The following GRK2 variants were observed in gnomAD, a reference collection of about 807,000 sequenced individuals.
The protein encoded by GRK2 is adrenergic beta receptor kinase 1.
GRK2 carries 23 observed loss-of-function variants against 97.8 expected under a neutral mutation model. The observed-to-expected ratio is 0.24, with a 90% CI of 0.17 to 0.33. The LOEUF (loss-of-function observed/expected upper bound fraction) is 0.33, where lower values mean the gene tolerates loss of function less well. Ranked by LOEUF, GRK2 falls within the 10% of genes least tolerant of loss-of-function variation. The pLI, the probability that GRK2 is intolerant of heterozygous loss-of-function variation, is 1.00. For missense variants in GRK2, 633 were observed against 956.9 expected (o/e 0.66, Z 4.47); for synonymous variants, 425 against 381.7 (o/e 1.11, Z -1.32).
At chr11:67,284,644 C>G (rs1860230731) in intron 18 of GRK2, 2 of 768,676 alleles carry the variant, frequency 2.6e-6, no homozygotes, top group Admixed American at 2.9e-5. Flanking sequence ...AAAAAATTAG[C>G]CGGGCATGGT....
At position 67,277,422 on chromosome 11, in the gene GRK2, C is replaced by T. The variant is rs1590850089; in HGVS notation, c.190+74C>T. On this transcript the variant is annotated intron_variant, in intron 2 of 20. Transcript: ENST00000308595. ...CTACCCCAGCCAGCCCAGCTGTGCT[C>T]CCCACTCTCCAGAGATTTGGCCTCC... is the stretch of plus-strand genomic sequence containing the variant. 3.7e-6 allele frequency: 5 copies of T among 1,361,062 alleles called. 1 individual carries two copies. The East Asian group carries it at 1.2e-4, about 31-fold the overall frequency. 84.3% of individuals were successfully genotyped at this position (1,361,062 alleles called of 1,614,324 possible). A position where few individuals can be genotyped will look rare whatever the true frequency, so the allele number is the denominator to read the frequency against.
At chr11:67,284,158 T>G (rs1590855687) in intron 17 of GRK2, 53 bp from the exon 18 acceptor site, 1 of 1,605,922 alleles carries the variant, frequency 6.2e-7, no homozygotes, top group Admixed American at 1.7e-5. Context: ...TGGCTGATGG[T>G]ATTCCGGCAT....
At chr11:67,274,491 G>A (rs1447560913) in intron 1 of GRK2, among the ~76,000 whole-genome samples, 1 of 27,144 alleles carries the variant, frequency 3.7e-5, no homozygotes, top group Non-Finnish European at 1.1e-4. Context: ...CGCTTGACCA[G>A]CACCTTTTTT....
In GRK2 at chr11:67,285,391, C is replaced by T. The variant is rs1323227874; in HGVS notation, c.2011C>T (p.Pro671Ser). The T allele has an allele frequency of 6.2e-7, 1 of 1,609,068 alleles. No homozygotes were observed. Among genetic ancestry groups the T allele is most frequent in the Non-Finnish European group, 8.5e-7 (1 of 1,178,952 alleles). Residue 671 changes from proline (P) to serine (S), a missense_variant, in exon 21 of 21, where the codon CCC (proline) becomes TCC (serine). Coordinates refer to ENST00000308595, the MANE Select transcript of GRK2 (RefSeq NM_001619.5). ...VPKMKNKPRS[P>S]VVELSKVPLV... ...CAAGATGAAGAACAAGCCGCGCTCG[C>T]CCGTGGTGGAGCTGAGCAAGGTGCC...
chr11:67,286,549 G>T lies in GRK2; in HGVS notation c.*1099G>T, dbSNP rs989935141. 1.4e-6 allele frequency: 1 copy of T among 701,088 alleles called. No homozygotes were observed. The highest frequency in any genetic ancestry group is 2.6e-6 in the Non-Finnish European group (1 of 383,730). 43.4% of individuals were successfully genotyped at this position (701,088 alleles called of 1,614,324 possible). ...AGACTATGCGTTTTTATAAAAAATG[G>T]TGCCTGATTCGGCTGTCTCAGACTC... On this transcript the variant is annotated 3_prime_UTR_variant, in exon 21 of 21. Coordinates refer to ENST00000308595, the MANE Select transcript of GRK2 (RefSeq NM_001619.5).
chr11:67,274,402 A>G (rs1245968322), intron 1 of GRK2, among the ~76,000 whole-genome samples: 3 of 149,748 alleles, frequency 2.0e-5, no homozygotes, highest in African/African-American at 7.4e-5. Context: ...TTCCTGGGAC[A>G]ATGCCCGGCT....
intron 14 of GRK2, 112 bp from the exon 15 acceptor site, chr11:67,283,015 AT>A (rs1860188493): frequency 8.2e-7 from 1 of 1,224,148 alleles, no homozygotes; most frequent in Admixed American, 1.7e-5. Context: ...GCGAGCTAGG[AT>A]GCTGTGCCCC....
Position 67,282,937 on chromosome 11 carries a change from G to C in GRK2, c.1227+119G>C. 8.0e-7 allele frequency: 1 copy of C among 1,255,794 alleles called. No homozygotes were observed. The highest frequency in any genetic ancestry group is 1.1e-6 in the Non-Finnish European group (1 of 892,540). 77.8% of individuals were successfully genotyped at this position (1,255,794 alleles called of 1,614,324 possible). On this transcript the variant is annotated intron_variant, in intron 14 of 20. Transcript: ENST00000308595. The surrounding 1 kb of genome is among the most constrained non-coding windows in gnomAD (Gnocchi z 6.9). ...ATCTGGGCCACTGACCCCTACTCTGGCCTCTGAGACAGACCTCCTGCCCCA... is the reference window on the plus strand; with the variant it reads ...ATCTGGGCCACTGACCCCTACTCTGCCCTCTGAGACAGACCTCCTGCCCCA...
At position 67,281,377 on chromosome 11, in the gene GRK2, G is replaced by A; in HGVS notation, c.648-82G>A. 2.2e-6 allele frequency: 3 copies of A among 1,351,310 alleles called. No homozygotes were observed. In the South Asian group the frequency reaches 3.6e-5, roughly 16 times the overall value. The allele number at this position is 1,351,310 out of a possible 1,614,324, so 83.7% of individuals were successfully genotyped here. A position where few individuals can be genotyped will look rare whatever the true frequency, so the allele number is the denominator to read the frequency against. On this transcript the variant is annotated intron_variant, in intron 8 of 20. Transcript: ENST00000308595. This position sits in a 1 kb window ranked among gnomAD's most constrained non-coding sequence, Gnocchi z 5.7. ...GTGTCACACGCTGGTCCTGGGTCTA[G>A]TCTTTCCCTCAAGCGCCCCCTGAGG...
At chr11:67,279,931 G>T in intron 6 of GRK2, 31 bp downstream of exon 6, 1 of 1,606,214 alleles carries the variant, frequency 6.2e-7, no homozygotes, top group South Asian at 1.1e-5. Context: ...GAGAGGAAGG[G>T]GGAGGGAGGG....
rs1860143696 is a variant in GRK2 at position 67,281,246 on chromosome 11, C to T, written c.647+62C>T. 2.7e-6 allele frequency: 4 copies of T among 1,481,710 alleles called. No homozygotes were observed. The highest frequency in any genetic ancestry group is 2.3e-5 in the East Asian group (1 of 43,892). 91.8% of individuals were successfully genotyped at this position (1,481,710 alleles called of 1,614,324 possible). ...GAGCCGGGCTCCTGGGGGACCCTGACAGGCCGGGTTCCACACAGGGCCACC... is the reference window on the plus strand; with the variant it reads ...GAGCCGGGCTCCTGGGGGACCCTGATAGGCCGGGTTCCACACAGGGCCACC... On this transcript the variant is annotated intron_variant, in intron 8 of 20. Transcript: ENST00000308595. The surrounding 1 kb of genome is among the most constrained non-coding windows in gnomAD (Gnocchi z 5.7).
Position 67,286,311 on chromosome 11 carries a change from ACCCCCGCCCAGGCTGGCCAGCC to A in GRK2, c.*864_*885del. ...GCCCCCCATCCTGGCCCATCAGTGT[ACCCCCGCCCAGGCTGGCCAGCC>A]CCACAGCCCACGTCCTGTCAGTGCC... is the stretch of plus-strand genomic sequence containing the variant. On this transcript the variant is annotated 3_prime_UTR_variant, in exon 21 of 21. Transcript: ENST00000308595. 2 of 667,770 alleles carry A rather than the reference ACCCCCGCCCAGGCTGGCCAGCC, an allele frequency of 3.0e-6. No homozygotes were observed. The highest frequency in any genetic ancestry group is 3.1e-5 in the South Asian group (2 of 63,762). 41.4% of individuals were successfully genotyped at this position (667,770 alleles called of 1,614,324 possible). A position where few individuals can be genotyped will look rare whatever the true frequency, so the allele number is the denominator to read the frequency against.
Position 67,274,009 on chromosome 11 carries a change from CT to C in GRK2, c.114-3242del, listed in dbSNP as rs1186824487. On this transcript the variant is annotated intron_variant, in intron 1 of 20. Coordinates refer to ENST00000308595, the MANE Select transcript of GRK2 (RefSeq NM_001619.5). The stretch of plus-strand genomic sequence containing the variant: ...GCCATTCCCTCTGCCAAACTGGCAC[CT>C]TTTTTTTTTTTTTTTTTTTTGAGAC... Among the ~76,000 whole-genome samples the C allele has an allele frequency of 4.2e-3, 533 of 126,746 alleles. 1 individual carries two copies. Among genetic ancestry groups the C allele is most frequent in the East Asian group, 5.6e-3 (25 of 4,464 alleles). 83.2% of individuals were successfully genotyped at this position (126,746 alleles called of 152,430 possible). A position where few individuals can be genotyped will look rare whatever the true frequency, so the allele number is the denominator to read the frequency against.
intron 17 of GRK2, 102 bp downstream of exon 17, chr11:67,284,051 C>A: frequency 7.0e-7 from 1 of 1,418,926 alleles, no homozygotes. Context: ...GCCAGCCCTG[C>A]CAGCTTGTAG....
At chr11:67,267,116 C>T (rs1859818287) in intron 1 of GRK2, among the ~76,000 whole-genome samples, 1 of 152,080 alleles carries the variant, frequency 6.6e-6, no homozygotes, top group South Asian at 2.1e-4. Flanking sequence ...CTCCACCGGC[C>T]CCCCGAAGTC....
chr11:67,277,381 A>G (rs2136497129), intron 2 of GRK2, 33 bp downstream of exon 2: 1 of 1,598,856 alleles, frequency 6.3e-7, no homozygotes, highest in Non-Finnish European at 8.6e-7. Context: ...CAGCCACCGG[A>G]CTTAACTTCT....
In GRK2 at chr11:67,284,937, A is replaced by T; in HGVS notation, c.1745A>T (p.Tyr582Phe). ...FLTQWQRRYF[Y>F]LFPNRLEWRG... is the part of the protein sequence containing the mutation. The stretch of plus-strand genomic sequence containing the variant: ...ACCCAGTGGCAGCGGCGGTACTTCT[A>T]CCTGTTCCCCAACCGCCTCGAGTGG... Residue 582 changes from tyrosine to phenylalanine, a missense_variant, in exon 19 of 21, where the codon TAC becomes TTC. Tyr to Phe is a conservative substitution (Grantham distance 22, BLOSUM62 3). Coordinates refer to ENST00000308595, the MANE Select transcript of GRK2 (RefSeq NM_001619.5). 1 of 1,612,590 alleles carries T rather than the reference A, an allele frequency of 6.2e-7. No individual in the cohort carries two copies. The highest frequency in any genetic ancestry group is 8.5e-7 in the Non-Finnish European group (1 of 1,179,706).
intron 1 of GRK2, among the ~76,000 whole-genome samples, chr11:67,268,479 C>T (rs1488593037): frequency 6.6e-6 from 1 of 152,136 alleles, no homozygotes; most frequent in Non-Finnish European, 1.5e-5. Context: ...AATGACAAAC[C>T]CACGAGGGAG....
Position 67,285,635 on chromosome 11 carries a change from C to G in GRK2, c.*185C>G. On this transcript the variant is annotated 3_prime_UTR_variant, in exon 21 of 21. Transcript: ENST00000308595. Reference sequence around the variant, plus strand: ...CTGCTGCACCAACCCAGCCGCTGCCCGGCGCCCTCTGTCCTGACTTCAGGG... The same window carrying G: ...CTGCTGCACCAACCCAGCCGCTGCCGGGCGCCCTCTGTCCTGACTTCAGGG... The G allele has an allele frequency of 4.2e-6, 3 of 717,598 alleles. No homozygotes were observed. The highest frequency in any genetic ancestry group is 6.5e-6 in the Non-Finnish European group (3 of 459,346). 44.5% of individuals were successfully genotyped at this position (717,598 alleles called of 1,614,324 possible).
Sources: allele counts gnomAD v4.1 joint callset (sites outside exome capture counted in the v4.1 genomes callset), GRCh38; gene constraint gnomAD v4.1.1; non-coding constraint Gnocchi (gnomAD v3.1); transcripts MANE v1.5; gene names NCBI Gene and HGNC (gene_info 2026-07-23, HGNC 2026-07-21).